IL17RD: variants seen among roughly 807,000 people sequenced by gnomAD.
IL17RD encodes the protein interleukin 17 receptor D.
In IL17RD, 52 loss-of-function variants were observed where a neutral mutation model predicts 80.5. That is an observed-to-expected ratio of 0.65 (90% confidence interval 0.52 to 0.81). The LOEUF (loss-of-function observed/expected upper bound fraction) is 0.81, where lower values mean the gene tolerates loss of function less well. IL17RD is among the 40% of genes least tolerant of loss of function. IL17RD has a pLI of 0.00. For synonymous variants in IL17RD, 416 were observed against 391.8 expected (o/e 1.06, Z -0.73); for missense variants, 1,024 against 955.1 (o/e 1.07, Z -0.95).
chr3:57,107,156 A>T (rs951776717), intron 5 of IL17RD, among the ~76,000 whole-genome samples: 1 of 152,294 alleles, frequency 6.6e-6, no homozygotes, highest in East Asian at 1.9e-4. Context: ...AGGCGGGTGG[A>T]TCATGAGATC....
Position 57,096,647 on chromosome 3 carries a change from T to TGG in IL17RD, c.2108-144_2108-143dup, listed in dbSNP as rs966064481. On this transcript the variant is annotated intron_variant, in intron 12 of 12. Coordinates refer to ENST00000296318, the MANE Select transcript of IL17RD (RefSeq NM_017563.5). ...GGCAAGAATCCCAACCAACTCAAGA[T>TGG]GGGGCACTCTCATCCTCCTAACAGG... The TGG allele has an allele frequency of 2.9e-4, 193 of 659,240 alleles. No homozygotes were observed. The African/African-American group carries it at 3.0e-3, about 10-fold the overall frequency. The allele number at this position is 659,240 out of a possible 1,614,324, so 40.8% of individuals were successfully genotyped here.
intron 1 of IL17RD, among the ~76,000 whole-genome samples, chr3:57,154,422 G>A (rs2060254441): frequency 6.6e-6 from 1 of 150,828 alleles, no homozygotes; most frequent in African/African-American, 2.4e-5. Flanking sequence ...CTGGCCTGCT[G>A]CCCCCATTAT....
intron 1 of IL17RD, among the ~76,000 whole-genome samples, chr3:57,129,108 T>C (rs1290733106): frequency 1.3e-5 from 2 of 152,118 alleles, no homozygotes; most frequent in Admixed American, 1.3e-4. Flanking sequence ...CTGGCATCTT[T>C]AAGGTAACAG....
intron 10 of IL17RD, 119 bp downstream of exon 10, chr3:57,102,360 G>A: frequency 2.2e-6 from 1 of 451,602 alleles, no homozygotes. Context: ...AATAGTAGGA[G>A]CTATGAGGCT....
intron 7 of IL17RD, 76 bp from the exon 8 acceptor site, chr3:57,104,483 G>T: frequency 1.1e-6 from 1 of 941,802 alleles, no homozygotes; most frequent in Non-Finnish European, 1.7e-6. Context: ...CTCCCCCAGA[G>T]CTGAAGGAGA....
upstream of IL17RD, among the ~76,000 whole-genome samples, chr3:57,166,131 A>C (rs2060347220): frequency 6.6e-6 from 1 of 152,198 alleles, no homozygotes. Context: ...TGAGGCTCAG[A>C]GAAGTGGAGT....
intron 1 of IL17RD, among the ~76,000 whole-genome samples, chr3:57,161,547 G>A (rs141818180): frequency 3.3e-5 from 5 of 152,298 alleles, no homozygotes; most frequent in South Asian, 4.1e-4. Context: ...TTCTTGCAGG[G>A]GGAGTAGGAA....
intron 7 of IL17RD, among the ~76,000 whole-genome samples, chr3:57,105,552 A>AAAAAAAAAAAAAAAAAAG: frequency 1.6e-5 from 1 of 63,590 alleles, no homozygotes; most frequent in African/African-American, 9.3e-5. Flanking sequence ...AAAAAAAAAA[A>AAAAAAAAAAAAAAAAAAG]ATATATATAT....
chr3:57,099,253 G>C (rs1431573281), intron 11 of IL17RD, among the ~76,000 whole-genome samples: 3 of 152,158 alleles, frequency 2.0e-5, no homozygotes, highest in Admixed American at 2.0e-4. Context: ...CTTCACACAG[G>C]TATACAAGGC....
chr3:57,145,730 A>C (rs1387255406), intron 1 of IL17RD, among the ~76,000 whole-genome samples: 2 of 152,138 alleles, frequency 1.3e-5, no homozygotes, highest in Non-Finnish European at 2.9e-5. Flanking sequence ...ACCTCAATAA[A>C]AATAATAGTT....
intron 1 of IL17RD, among the ~76,000 whole-genome samples, chr3:57,148,009 C>A (rs1044488891): frequency 7.1e-6 from 1 of 140,050 alleles, no homozygotes; most frequent in East Asian, 2.1e-4. Context: ...CGAAAGAAGT[C>A]AAGTTTTCAT....
chr3:57,114,956 A>G (rs942537712), intron 2 of IL17RD, 139 bp from the exon 3 acceptor site: 1 of 613,264 alleles, frequency 1.6e-6, no homozygotes, highest in Admixed American at 3.5e-5. Flanking sequence ...AAAGCCCAAA[A>G]TAAGACATGA....
intron 1 of IL17RD, among the ~76,000 whole-genome samples, chr3:57,136,641 C>CCCAA (rs1707735224): frequency 1.0e-4 from 5 of 48,114 alleles, no homozygotes; most frequent in Admixed American, 3.2e-4. Flanking sequence ...AACCCCCACT[C>CCCAA]AAAAAAAAAA....
chr3:57,128,285 G>T (rs1433961709), intron 1 of IL17RD, among the ~76,000 whole-genome samples: 2 of 152,130 alleles, frequency 1.3e-5, no homozygotes, highest in African/African-American at 2.4e-5. Context: ...TTTGCTCGGG[G>T]AAGTAGGAAA....
At chr3:57,110,151 C>A (rs1350877774) in intron 4 of IL17RD, 42 bp downstream of exon 4, 2 of 1,556,938 alleles carry the variant, frequency 1.3e-6, no homozygotes, top group Non-Finnish European at 1.7e-6. Context: ...GACCCTGGAA[C>A]AATGGCATGT....
chr3:57,126,243 T>G (rs1411289390), intron 1 of IL17RD, among the ~76,000 whole-genome samples: 1 of 152,210 alleles, frequency 6.6e-6, no homozygotes, highest in African/African-American at 2.4e-5. Flanking sequence ...CGGGTAGCTT[T>G]TAATTTGTTC....
At chr3:57,129,197 G>A (rs1707556377) in intron 1 of IL17RD, among the ~76,000 whole-genome samples, 1 of 152,006 alleles carries the variant, frequency 6.6e-6, no homozygotes. Flanking sequence ...TAAATACTGG[G>A]TACAAAGAGG....
chr3:57,111,854 C>T (rs573553717), intron 3 of IL17RD, among the ~76,000 whole-genome samples: 42 of 151,198 alleles, frequency 2.8e-4, no homozygotes, highest in African/African-American at 7.8e-4. Context: ...CCCAGCTACT[C>T]GGAAGGCTGA....
intron 1 of IL17RD, among the ~76,000 whole-genome samples, chr3:57,130,557 T>A (rs549149628): frequency 2.3e-4 from 35 of 152,290 alleles, no homozygotes; most frequent in Non-Finnish European, 4.6e-4. Context: ...GTCTGGCCTT[T>A]CCCAGAAGCT....
Sources: gnomAD v4.1 joint callset for allele counts (sites outside exome capture counted in the v4.1 genomes callset) on GRCh38, gnomAD v4.1.1 for gene constraint, MANE v1.5 for transcripts, NCBI Gene and HGNC (gene_info 2026-07-23, HGNC 2026-07-21) for gene names.